PROM1: variants seen among roughly 807,000 people sequenced by gnomAD.
The protein encoded by PROM1 is prominin 1, also known as prominin-1.
PROM1 carries 105 observed loss-of-function variants against 116.9 expected under a neutral mutation model. The ratio of observed to expected loss-of-function variants is 0.90; its 90% CI spans 0.77 to 1.06. PROM1 has a LOEUF of 1.06. Among genes scored for constraint, PROM1 ranks in the 50% least tolerant of loss-of-function variants. The probability of loss-of-function intolerance (pLI) is 0.00; values close to 1 mark genes in which losing one functional copy is unlikely to be tolerated. For missense variants in PROM1, 1,122 were observed against 1,045.2 expected (o/e 1.07, Z -1.01); for synonymous variants, 393 against 387.0 (o/e 1.02, Z -0.18).
intron 2 of PROM1, among the ~76,000 whole-genome samples, chr4:16,046,401 C>T (rs1023285997): frequency 6.6e-6 from 1 of 152,182 alleles, no homozygotes; most frequent in African/African-American, 2.4e-5. Flanking sequence ...CCTGATTCCA[C>T]TTTCCAAAAT....
Position 15,968,673 on chromosome 4 carries a change from C to T in PROM1, c.*720G>A, listed in dbSNP as rs1208661900. 1 of 152,166 alleles carries T rather than the reference C, an allele frequency of 6.6e-6. No individual in the cohort carries two copies. Among genetic ancestry groups the T allele is most frequent in the Non-Finnish European group, 1.5e-5 (1 of 68,038 alleles). 9.4% of individuals were successfully genotyped at this position (152,166 alleles called of 1,614,324 possible). ...ACGAACAGCATTTCTCTCTCAAGATCTCTCTCTCTCTTTTGAATTTGTCAG... is the reference window on the plus strand; with the variant it reads ...ACGAACAGCATTTCTCTCTCAAGATTTCTCTCTCTCTTTTGAATTTGTCAG... On this transcript the variant is annotated 3_prime_UTR_variant, in exon 28 of 28. Coordinates refer to ENST00000447510, the MANE Select transcript of PROM1 (RefSeq NM_006017.3).
intron 26 of PROM1, among the ~76,000 whole-genome samples, chr4:15,977,624 A>C (rs959862212): frequency 2.0e-5 from 3 of 152,190 alleles, no homozygotes; most frequent in Non-Finnish European, 4.4e-5. Flanking sequence ...TTAGAGACAG[A>C]GTCTCCCTCT....
At chr4:16,008,634 A>G (rs188951961) in intron 12 of PROM1, among the ~76,000 whole-genome samples, 1 of 152,394 alleles carries the variant, frequency 6.6e-6, no homozygotes, top group Admixed American at 6.5e-5. Flanking sequence ...ATTGCAAATT[A>G]TCAAGTATTT....
At chr4:15,978,416 C>A (rs1330006192) in intron 26 of PROM1, among the ~76,000 whole-genome samples, 2 of 152,196 alleles carry the variant, frequency 1.3e-5, no homozygotes, top group African/African-American at 4.8e-5. Context: ...GGTGGAGCAT[C>A]AACTGTTACT....
chr4:15,969,994 G>A (rs1467907993), intron 27 of PROM1, among the ~76,000 whole-genome samples: 4 of 151,906 alleles, frequency 2.6e-5, no homozygotes, highest in African/African-American at 9.7e-5. Context: ...CCAAGTTGGA[G>A]TGCATGAGTG....
chr4:15,989,874 A>G (rs999340623), intron 18 of PROM1, 50 bp from the exon 19 acceptor site: 1 of 1,432,986 alleles, frequency 7.0e-7, no homozygotes, highest in African/African-American at 1.4e-5. Context: ...CCAGACTCAA[A>G]GCACTCTCGC....
intron 1 of PROM1, 133 bp downstream of exon 1, chr4:16,083,845 G>C (rs1001668495): frequency 6.6e-6 from 1 of 152,218 alleles, no homozygotes; most frequent in Non-Finnish European, 1.5e-5. Context: ...CGCTGCGGCC[G>C]GACCCTCGGA....
At chr4:16,067,403 T>G (rs888301089) in intron 2 of PROM1, among the ~76,000 whole-genome samples, 3 of 152,212 alleles carry the variant, frequency 2.0e-5, no homozygotes, top group African/African-American at 7.2e-5. Flanking sequence ...GGGCAAGTTA[T>G]TTGATCTCTG....
intron 1 of PROM1, chr4:16,080,686 T>C (rs1744870897): frequency 6.6e-6 from 1 of 152,208 alleles, no homozygotes; most frequent in Non-Finnish European, 1.5e-5. Context: ...ATACCCAACA[T>C]CTGAGACCAC....
chr4:16,081,094 AG>A (rs1218019038), intron 1 of PROM1, among the ~76,000 whole-genome samples: 1 of 151,682 alleles, frequency 6.6e-6, no homozygotes, highest in African/African-American at 2.4e-5. Flanking sequence ...TTTAAGTTCT[AG>A]GGTACATGTG....
At chr4:15,972,578 A>G (rs1383340604) in intron 26 of PROM1, among the ~76,000 whole-genome samples, 10 of 152,170 alleles carry the variant, frequency 6.6e-5, no homozygotes. Context: ...TTAAATCTCA[A>G]CATGAGTTTT....
At chr4:16,005,500 GTGT>G (rs1166172451) in intron 13 of PROM1, among the ~76,000 whole-genome samples, 1 of 3,188 alleles carries the variant, frequency 3.1e-4, no homozygotes, top group Non-Finnish European at 8.1e-4. Context: ...TGTTTGGTGT[GTGT>G]GTGTGTGTGT....
chr4:16,003,106 T>A (rs1447274648), intron 13 of PROM1, among the ~76,000 whole-genome samples: 1 of 152,328 alleles, frequency 6.6e-6, no homozygotes, highest in Non-Finnish European at 1.5e-5. Context: ...AATACATGCA[T>A]CATTTTCTGA....
chr4:16,025,255 C>T lies in PROM1; in HGVS notation c.567G>A (p.Arg189=), dbSNP rs1730954692. The T allele has an allele frequency of 1.2e-6, 2 of 1,613,924 alleles. No homozygotes were observed. Among genetic ancestry groups the T allele is most frequent in the Non-Finnish European group, 1.7e-6 (2 of 1,179,808 alleles). Residue 189 remains arginine, a synonymous_variant, in exon 6 of 28, where the codon AGG becomes AGA. Transcript: ENST00000447510. ...ANHQVRTRIK[R]SRKLADSNFK... ...AATTGCTATCTGCCAGTTTCCGACT[C>T]CTTTTGATCCGGGTTCTTACCTGGT... is the stretch of plus-strand genomic sequence containing the variant.
At chr4:15,969,546 T>C (rs151338035) in intron 27 of PROM1, among the ~76,000 whole-genome samples, 178 bp from the exon 28 acceptor site, 11 of 152,304 alleles carry the variant, frequency 7.2e-5, no homozygotes, top group African/African-American at 2.6e-4. Context: ...AATATAGCAA[T>C]ATAGAAAAAA....
intron 8 of PROM1, among the ~76,000 whole-genome samples, chr4:16,020,287 C>T (rs1160788793): frequency 6.6e-6 from 1 of 152,218 alleles, no homozygotes; most frequent in Non-Finnish European, 1.5e-5. Context: ...AGTATTTTCT[C>T]TTGAATTTCA....
rs1276854869 is a variant in PROM1, at chr4:16,001,103, G to C, written c.1455-484C>G. On this transcript the variant is annotated intron_variant, in intron 13 of 27. Coordinates refer to ENST00000447510, the MANE Select transcript of PROM1 (RefSeq NM_006017.3). ...TGCAGAGGCTGTTATCATGGCCCAT[G>C]AGGGTGGCCTAAGGGGGCAGGATTG... Among the ~76,000 whole-genome samples, 5 of 152,344 alleles carry C rather than the reference G, an allele frequency of 3.3e-5. No homozygotes were observed. The East Asian group carries it at 9.6e-4, about 29-fold the overall frequency.
In PROM1 at chr4:16,047,757, C is replaced by A. The variant is rs181364250; in HGVS notation, c.221-8756G>T. Among the ~76,000 whole-genome samples, 675 of 152,172 alleles carry A rather than the reference C, an allele frequency of 4.4e-3. 5 individuals are homozygous for A. Among genetic ancestry groups the A allele is most frequent in the African/African-American group, 0.015 (612 of 41,502 alleles). ...CCTCATGGGTGCTGGAGCAGAACAC[C>A]TCTGAGCAGCTGTGTTTCAGAGCAG... On this transcript the variant is annotated intron_variant, in intron 2 of 27. Coordinates refer to ENST00000447510, the MANE Select transcript of PROM1 (RefSeq NM_006017.3).
At chr4:16,058,127 G>C (rs1739467027) in intron 2 of PROM1, among the ~76,000 whole-genome samples, 1 of 152,174 alleles carries the variant, frequency 6.6e-6, no homozygotes, top group Admixed American at 6.5e-5. Context: ...TGTAATGGAA[G>C]GAACAGGTTT....
Sources: gnomAD v4.1 joint callset for allele counts (sites outside exome capture counted in the v4.1 genomes callset) on GRCh38, gnomAD v4.1.1 for gene constraint, MANE v1.5 for transcripts, NCBI Gene and HGNC (gene_info 2026-07-23, HGNC 2026-07-21) for gene names.